The following TMEM175 variants were observed in gnomAD, a reference collection of about 807,000 sequenced individuals.
TMEM175 encodes the protein transmembrane protein 175.
TMEM175 carries 36 observed loss-of-function variants against 36.5 expected under a neutral mutation model. The observed-to-expected ratio is 0.99, with a 90% CI of 0.76 to 1.30. TMEM175 has a LOEUF of 1.30. TMEM175 is among the 50% of genes most tolerant of loss of function. The pLI, the probability that TMEM175 is intolerant of heterozygous loss-of-function variation, is 0.00. For synonymous variants in TMEM175, 339 were observed against 313.4 expected (o/e 1.08, Z -0.86); for missense variants, 705 against 692.8 (o/e 1.02, Z -0.20).
At chr4:956,200 C>G (rs1729611522) in intron 10 of TMEM175, 1 of 864,302 alleles carries the variant, frequency 1.2e-6, no homozygotes, top group Admixed American at 3.4e-5. Context: ...AGGGGCTCAG[C>G]AGCCATGGGT....
At chr4:950,763 A>ATGGTG (rs1560489030) in intron 4 of TMEM175, among the ~76,000 whole-genome samples, 2 of 129,646 alleles carry the variant, frequency 1.5e-5, no homozygotes, top group Non-Finnish European at 3.3e-5. Flanking sequence ...GGAGGTGTGG[A>ATGGTG]CGGTGTGGAT....
chr4:948,208 C>T (rs1202108689), intron 3 of TMEM175, 54 bp downstream of exon 3: 8 of 1,613,804 alleles, frequency 5.0e-6, no homozygotes, highest in Non-Finnish European at 6.8e-6. Context: ...ATATAGGGTC[C>T]CCGAGGCTCG....
chr4:957,085 A>G (rs1034265311), intron 10 of TMEM175, among the ~76,000 whole-genome samples: 4 of 152,088 alleles, frequency 2.6e-5, no homozygotes, highest in African/African-American at 9.7e-5. Context: ...CCTCTCCTCC[A>G]CCTGGAGCCA....
At chr4:951,414 C>T (rs1728872757) in intron 5 of TMEM175, among the ~76,000 whole-genome samples, 156 bp downstream of exon 5, 1 of 152,170 alleles carries the variant, frequency 6.6e-6, no homozygotes, top group Non-Finnish European at 1.5e-5. Context: ...AATGATCTTT[C>T]CCTCCCCATG....
At chr4:957,172 C>G (rs1729781555) in intron 10 of TMEM175, among the ~76,000 whole-genome samples, 1 of 152,284 alleles carries the variant, frequency 6.6e-6, no homozygotes, top group South Asian at 2.1e-4. Context: ...CCAACCCCCA[C>G]CCCTCACCCC....
chr4:956,266 GTCCCTCCCATTCCCTCCGGC>G (rs1475924049), intron 10 of TMEM175: 24 of 1,258,026 alleles, frequency 1.9e-5, no homozygotes, highest in Non-Finnish European at 2.4e-5. Context: ...CTAGTCCCTA[GTCCCTCCCATTCCCTCCGGC>G]TCCCTCCCAG....
chr4:947,836 T>C lies in TMEM175; in HGVS notation c.97T>C (p.Ser33Pro), dbSNP rs756671981. The change falls in exon 2 of 11, where the codon TCC becomes CCC. Residue 33 changes from serine to proline, a missense_variant. Coordinates refer to ENST00000264771, the MANE Select transcript of TMEM175 (RefSeq NM_032326.4). ...DEDAGEGIQC[S>P]QRMLSFSDAL... ...GGACGCTGGGGAGGGGATCCAGTGC[T>C]CCCAACGCATGCTCAGCTTCAGTGA... 12 of 1,613,392 alleles carry C rather than the reference T, an allele frequency of 7.4e-6. No individual in the cohort carries two copies. The South Asian group carries it at 8.8e-5, about 12-fold the overall frequency.
rs147980248 is a variant in TMEM175, at chr4:952,563, CTGTGTGTGTG to C, written c.462+133_462+142del. ...AGGTAGGGGGCCCAGGGGGCCTGCA[CTGTGTGTGTG>C]TGTGTGTGTGTGTGTGTGTTCACCA... On this transcript the variant is annotated intron_variant, in intron 7 of 10. Transcript: ENST00000264771. 3.3e-4 allele frequency: 222 copies of C among 663,744 alleles called. 1 individual carries two copies. Among genetic ancestry groups the C allele is most frequent in the Non-Finnish European group, 4.9e-4 (196 of 400,230 alleles). The allele number at this position is 663,744 out of a possible 1,614,324, so 41.1% of individuals were successfully genotyped here.
At chr4:954,827 C>T (rs1009135197) in intron 8 of TMEM175, among the ~76,000 whole-genome samples, 7 of 152,200 alleles carry the variant, frequency 4.6e-5, no homozygotes, top group African/African-American at 1.7e-4. Flanking sequence ...CAGTTCTCTC[C>T]ATCCTAGTGG....
chr4:951,657 G>T, intron 5 of TMEM175, 25 bp from the exon 6 acceptor site: 1 of 1,614,014 alleles, frequency 6.2e-7, no homozygotes, highest in Non-Finnish European at 8.5e-7. Context: ...CCGCATCATG[G>T]CTGTGATGCC....
chr4:937,996 A>T (rs1017196865), intron 1 of TMEM175, among the ~76,000 whole-genome samples: 14 of 124,258 alleles, frequency 1.1e-4, no homozygotes, highest in Non-Finnish European at 2.0e-4. Flanking sequence ...TTACTGATTT[A>T]AAAAAAAAAA....
At chr4:941,221 C>T (rs1283245860) in intron 1 of TMEM175, among the ~76,000 whole-genome samples, 2 of 149,970 alleles carry the variant, frequency 1.3e-5, no homozygotes, top group Non-Finnish European at 3.0e-5. Context: ...ACTAAAAATA[C>T]AAAAATTAGC....
At chr4:942,905 G>T (rs1727698424) in intron 1 of TMEM175, among the ~76,000 whole-genome samples, 2 of 152,160 alleles carry the variant, frequency 1.3e-5, no homozygotes, top group South Asian at 2.1e-4. Context: ...CTCCCAAAAT[G>T]CTGGGATTAC....
intron 1 of TMEM175, 62 bp from the exon 2 acceptor site, chr4:947,647 G>A: frequency 3.6e-6 from 5 of 1,397,420 alleles, no homozygotes; most frequent in Non-Finnish European, 4.9e-6. Flanking sequence ...CCAGGGCTGA[G>A]GCTGCATGGC....
In TMEM175 at chr4:952,425, G is replaced by T. The variant is rs746820000; in HGVS notation, c.437G>T (p.Cys146Phe). ...CTGGGCATCTTCTTGTTCTGTGTGTGTGTGATCGCCATTGGGGTCGTGCAG... is the reference window on the plus strand; with the variant it reads ...CTGGGCATCTTCTTGTTCTGTGTGTTTGTGATCGCCATTGGGGTCGTGCAG... ...VPLGIFLFCV[C>F]VIAIGVVQAL... is the part of the protein sequence containing the mutation. The change falls in exon 7 of 11, where the codon TGT becomes TTT. Residue 146 changes from cysteine (C) to phenylalanine (F), a missense_variant. Coordinates refer to ENST00000264771, the MANE Select transcript of TMEM175 (RefSeq NM_032326.4). The T allele has an allele frequency of 1.2e-6, 2 of 1,608,056 alleles. No individual in the cohort carries two copies. Among genetic ancestry groups the T allele is most frequent in the Non-Finnish European group, 1.7e-6 (2 of 1,177,952 alleles).
At chr4:952,584 T>A in intron 7 of TMEM175, 134 bp downstream of exon 7, 1 of 870,958 alleles carries the variant, frequency 1.1e-6, no homozygotes, top group Admixed American at 1.9e-5. Flanking sequence ...TGTGTGTGTG[T>A]GTGTGTGTTC....
At chr4:937,420 C>G (rs1258013639) in intron 1 of TMEM175, among the ~76,000 whole-genome samples, 1 of 151,808 alleles carries the variant, frequency 6.6e-6, no homozygotes, top group South Asian at 2.1e-4. Context: ...AAAAATTACC[C>G]AGCATGGTGG....
At chr4:954,894 T>C (rs565667412) in intron 8 of TMEM175, among the ~76,000 whole-genome samples, 1 of 152,322 alleles carries the variant, frequency 6.6e-6, no homozygotes, top group East Asian at 1.9e-4. Flanking sequence ...TTGCATGTTT[T>C]GTTTGGAGCA....
chr4:933,941 A>G (rs1307172625), intron 1 of TMEM175, among the ~76,000 whole-genome samples: 1 of 152,268 alleles, frequency 6.6e-6, no homozygotes. Context: ...TTTATTGCTT[A>G]CAACACCCTT....
Sources: allele counts gnomAD v4.1 joint callset (sites outside exome capture counted in the v4.1 genomes callset), GRCh38; gene constraint gnomAD v4.1.1; transcripts MANE v1.5; gene names NCBI Gene and HGNC (gene_info 2026-07-23, HGNC 2026-07-21).